Variants in PLEKHD1 observed in about 807,000 individuals in gnomAD.
PLEKHD1 encodes pleckstrin homology domain-containing family D member 1.
In PLEKHD1, 51 loss-of-function variants were observed where a neutral mutation model predicts 69.2. That is an observed-to-expected ratio of 0.74 (90% CI 0.59 to 0.93). PLEKHD1 has a LOEUF of 0.93. PLEKHD1 is among the 40% of genes least tolerant of loss of function. PLEKHD1 has a pLI of 0.00. For missense variants in PLEKHD1, 584 were observed against 641.0 expected (o/e 0.91, Z 0.96); for synonymous variants, 236 against 244.7 (o/e 0.96, Z 0.33).
At chr14:69,504,355 C>T (rs1883104509) in intron 6 of PLEKHD1, among the ~76,000 whole-genome samples, 1 of 152,174 alleles carries the variant, frequency 6.6e-6, no homozygotes, top group Non-Finnish European at 1.5e-5. Context: ...AGTCACAGGG[C>T]AGGGGCTATC....
At chr14:69,489,710 A>C (rs1293428793) in intron 1 of PLEKHD1, among the ~76,000 whole-genome samples, 1 of 152,064 alleles carries the variant, frequency 6.6e-6, no homozygotes, top group East Asian at 1.9e-4. Flanking sequence ...TGTCTCATCT[A>C]TAGAGTGGGA....
chr14:69,485,197 T>C (rs1201924364), intron 1 of PLEKHD1, 83 bp downstream of exon 1: 1 of 1,434,992 alleles, frequency 7.0e-7, no homozygotes, highest in Non-Finnish European at 9.4e-7. Context: ...CCAGTCGCCG[T>C]CGTGCCTCTG....
chr14:69,496,518 G>A (rs1882891227), intron 1 of PLEKHD1, among the ~76,000 whole-genome samples: 1 of 151,948 alleles, frequency 6.6e-6, no homozygotes, highest in Admixed American at 6.6e-5. Context: ...AAAAGAGGGT[G>A]AAAGAGGTTT....
intron 1 of PLEKHD1, among the ~76,000 whole-genome samples, chr14:69,489,361 C>A (rs1370772569): frequency 6.6e-6 from 1 of 151,992 alleles, no homozygotes; most frequent in African/African-American, 2.4e-5. Flanking sequence ...GAGTTGGAGA[C>A]CAGCCTGGCC....
upstream of PLEKHD1, among the ~76,000 whole-genome samples, chr14:69,479,859 G>A (rs118180287): frequency 2.6e-3 from 397 of 152,050 alleles, 1 homozygote; most frequent in South Asian, 8.3e-3. Flanking sequence ...CAACCCCCCC[G>A]CCACACACAC....
intron 2 of PLEKHD1, 104 bp from the exon 3 acceptor site, chr14:69,500,473 T>A: frequency 2.2e-6 from 2 of 919,144 alleles, no homozygotes; most frequent in Non-Finnish European, 3.2e-6. Context: ...CTAGCTTCCA[T>A]CCTGGGGCAC....
At chr14:69,472,701 C>G in the PLEKHD1 span, among the ~76,000 whole-genome samples, 5 of 152,154 alleles carry the variant, frequency 3.3e-5, no homozygotes, top group African/African-American at 4.8e-5. Context: ...AGGTTTGTAG[C>G]CTAGGAGCAA....
At chr14:69,519,800 T>C (rs1266903780) in intron 6 of PLEKHD1, among the ~76,000 whole-genome samples, 1 of 152,112 alleles carries the variant, frequency 6.6e-6, no homozygotes, top group South Asian at 2.1e-4. Context: ...TTTCCAGGGA[T>C]GGGGTGGAGC....
chr14:69,490,430 G>T (rs944710730), intron 1 of PLEKHD1, among the ~76,000 whole-genome samples: 3 of 152,206 alleles, frequency 2.0e-5, no homozygotes, highest in Non-Finnish European at 4.4e-5. Flanking sequence ...TGTAAAAACA[G>T]ATGAAGCTTC....
At chr14:69,518,189 C>A (rs538968726) in intron 6 of PLEKHD1, among the ~76,000 whole-genome samples, 1 of 152,114 alleles carries the variant, frequency 6.6e-6, no homozygotes, top group African/African-American at 2.4e-5. Flanking sequence ...CTTGTACCAC[C>A]ATACCTGGCT....
chr14:69,526,698 A>G lies in PLEKHD1; in HGVS notation c.925A>G (p.Met309Val). 1.3e-6 allele frequency: 2 copies of G among 1,527,476 alleles called. No individual in the cohort carries two copies. Among genetic ancestry groups the G allele is most frequent in the Non-Finnish European group, 1.8e-6 (2 of 1,135,048 alleles). The allele number at this position is 1,527,476 out of a possible 1,614,324, so 94.6% of individuals were successfully genotyped here. ...LEEKLLAEKR[M>V]KENEERSRAL... ...AAAGTGCCTCTTCTGTCCCTACAGGATGAAGGAGAACGAGGAGCGCTCACG... is the reference window on the plus strand; with the variant it reads ...AAAGTGCCTCTTCTGTCCCTACAGGGTGAAGGAGAACGAGGAGCGCTCACG... Residue 309 changes from methionine (M) to valine (V), a missense_variant and splice_region_variant, in exon 10 of 13, where the codon ATG becomes GTG. Met to Val is a conservative substitution (Grantham distance 21, BLOSUM62 1). Transcript: ENST00000322564.
intron 6 of PLEKHD1, among the ~76,000 whole-genome samples, chr14:69,505,819 A>G (rs959855144): frequency 6.6e-6 from 1 of 151,960 alleles, no homozygotes. Flanking sequence ...TGCAGGGGGA[A>G]CCCTCCTGAC....
At chr14:69,496,955 G>A (rs1023719418) in intron 1 of PLEKHD1, among the ~76,000 whole-genome samples, 7 of 152,080 alleles carry the variant, frequency 4.6e-5, no homozygotes, top group African/African-American at 1.7e-4. Flanking sequence ...TCCAAATACA[G>A]TCACATGTGG....
chr14:69,528,855 T>C lies in PLEKHD1; in HGVS notation c.*436T>C, dbSNP rs558144928. ...TCTGCTGCCCTGCCCGTGGTCCTCA[T>C]GTAGAAAGGCCTTGCCTCCCTACCT... is the stretch of plus-strand genomic sequence containing the variant. On this transcript the variant is annotated 3_prime_UTR_variant, in exon 13 of 13. Transcript: ENST00000322564. 2.1e-3 allele frequency: 353 copies of C among 167,294 alleles called. 1 individual carries two copies. The highest frequency in any genetic ancestry group is 3.4e-3 in the Non-Finnish European group (268 of 77,750). The allele number at this position is 167,294 out of a possible 1,614,324, so 10.4% of individuals were successfully genotyped here.
Position 69,527,252 on chromosome 14 carries a change from G to T in PLEKHD1, c.1121G>T (p.Ser374Ile). 1 of 1,551,790 alleles carries T rather than the reference G, an allele frequency of 6.4e-7. No individual in the cohort carries two copies. Among genetic ancestry groups the T allele is most frequent in the Non-Finnish European group, 8.7e-7 (1 of 1,147,002 alleles). ...RLREAEGALR[S>I]LEQGLNSKVR... is the part of the protein sequence containing the mutation. ...CGGGAGGCAGAAGGGGCCTTGCGAA[G>T]CCTGGAACAGGGGCTGAATTCCAAG... Residue 374 changes from serine to isoleucine, a missense_variant, in exon 11 of 13, where the codon AGC becomes ATC. By Grantham distance (142) the Ser-to-Ile change is moderately radical. Transcript: ENST00000322564.
In PLEKHD1 at chr14:69,528,180, G is replaced by T. The variant is rs1350954832; in HGVS notation, c.1352-70G>T. 2.0e-6 allele frequency: 3 copies of T among 1,523,618 alleles called. No individual in the cohort carries two copies. The African/African-American group carries it at 4.1e-5, about 21-fold the overall frequency. 94.4% of individuals were successfully genotyped at this position (1,523,618 alleles called of 1,614,324 possible). Reference sequence around the variant, plus strand: ...TAAAGGAGTGAGGGGGTGGCATGAGGCTGGGGACAGGGCCAGGCCTTCGTG... The same window carrying T: ...TAAAGGAGTGAGGGGGTGGCATGAGTCTGGGGACAGGGCCAGGCCTTCGTG... On this transcript the variant is annotated intron_variant, in intron 12 of 12. Coordinates refer to ENST00000322564, the MANE Select transcript of PLEKHD1 (RefSeq NM_001161498.2).
chr14:69,516,754 C>G (rs182473930), intron 6 of PLEKHD1, among the ~76,000 whole-genome samples: 1 of 152,100 alleles, frequency 6.6e-6, no homozygotes, highest in Non-Finnish European at 1.5e-5. Flanking sequence ...ACTGCAGCCT[C>G]GACCTCCTGG....
At chr14:69,468,783 G>A in the PLEKHD1 span, among the ~76,000 whole-genome samples, 1 of 152,266 alleles carries the variant, frequency 6.6e-6, no homozygotes, top group South Asian at 2.1e-4. Context: ...GTCTCACTAT[G>A]TTGACCAGGT....
rs1883028626 is a variant in PLEKHD1, at chr14:69,501,715, A to G, written c.411-19A>G. 6.5e-7 allele frequency: 1 copy of G among 1,534,776 alleles called. No individual in the cohort carries two copies. Among genetic ancestry groups the G allele is most frequent in the Non-Finnish European group, 8.8e-7 (1 of 1,133,050 alleles). On this transcript the variant is annotated intron_variant, in intron 4 of 12. Coordinates refer to ENST00000322564, the MANE Select transcript of PLEKHD1 (RefSeq NM_001161498.2). ...TTCTTCCTCTTCTCTCCTCTGTCCC[A>G]TCTGCCCTCCCTCCCCAGGACCTGG... is the stretch of plus-strand genomic sequence containing the variant.
Sources: allele counts gnomAD v4.1 joint callset (sites outside exome capture counted in the v4.1 genomes callset), GRCh38; gene constraint gnomAD v4.1.1; transcripts MANE v1.5; gene names NCBI Gene and HGNC (gene_info 2026-07-23, HGNC 2026-07-21).